Variants in ZNF804B observed in about 807,000 individuals in gnomAD.
The protein encoded by ZNF804B is zinc finger protein 804B, also known as zinc finger 804B.
ZNF804B carries 80 observed loss-of-function variants against 101.4 expected under a neutral mutation model. The observed-to-expected ratio is 0.79, with a 90% CI of 0.66 to 0.95. ZNF804B has a LOEUF of 0.95. ZNF804B is among the 40% of genes least tolerant of loss of function. The pLI, the probability that ZNF804B is intolerant of heterozygous loss-of-function variation, is 0.00. For synonymous variants in ZNF804B, 622 were observed against 558.8 expected (o/e 1.11, Z -1.59); for missense variants, 1,673 against 1,561.9 (o/e 1.07, Z -1.20).
chr7:89,083,161 TTGAC>T (rs1789722251), intron 1 of ZNF804B, among the ~76,000 whole-genome samples: 1 of 151,784 alleles, frequency 6.6e-6, no homozygotes, highest in African/African-American at 2.4e-5. Flanking sequence ...AAACTATGTT[TTGAC>T]TGCCACAAAA....
intron 2 of ZNF804B, among the ~76,000 whole-genome samples, chr7:89,293,300 T>C (rs745639504): frequency 1.3e-5 from 2 of 152,184 alleles, no homozygotes; most frequent in Non-Finnish European, 2.9e-5. Flanking sequence ...TTTGAGGTGA[T>C]GGATACGTTA....
intron 1 of ZNF804B, among the ~76,000 whole-genome samples, chr7:88,927,062 T>G (rs1032967825): frequency 3.3e-5 from 5 of 152,072 alleles, no homozygotes; most frequent in South Asian, 2.1e-4. Flanking sequence ...CTTCATGGTG[T>G]TGTTGGAAAT....
chr7:89,242,226 A>G (rs895994485), intron 2 of ZNF804B, among the ~76,000 whole-genome samples: 3 of 151,958 alleles, frequency 2.0e-5, no homozygotes, highest in Non-Finnish European at 4.4e-5. Context: ...TGTTAGATGA[A>G]TGGATTAAAT....
chr7:89,111,318 A>G (rs932329166), intron 1 of ZNF804B, among the ~76,000 whole-genome samples: 1 of 152,250 alleles, frequency 6.6e-6, no homozygotes, highest in South Asian at 2.1e-4. Flanking sequence ...ACTGTCTTCC[A>G]AAGTGGCTGG....
chr7:89,054,056 G>A (rs1389116773), intron 1 of ZNF804B, among the ~76,000 whole-genome samples: 6 of 151,814 alleles, frequency 4.0e-5, no homozygotes, highest in African/African-American at 1.4e-4. Flanking sequence ...TTAAAATGTG[G>A]TTATTTGTCT....
intron 1 of ZNF804B, among the ~76,000 whole-genome samples, chr7:89,209,493 C>T (rs973039069): frequency 6.6e-6 from 1 of 152,198 alleles, no homozygotes; most frequent in African/African-American, 2.4e-5. Flanking sequence ...AAACAAGAAT[C>T]TGCAGTTCTG....
chr7:88,847,705 G>T (rs1299446612), intron 1 of ZNF804B, among the ~76,000 whole-genome samples: 1 of 152,134 alleles, frequency 6.6e-6, no homozygotes, highest in Non-Finnish European at 1.5e-5. Flanking sequence ...GAGTGCAGCA[G>T]TGGGGAAATA....
intron 1 of ZNF804B, among the ~76,000 whole-genome samples, chr7:89,104,111 G>T (rs752898998): frequency 5.3e-5 from 8 of 151,910 alleles, no homozygotes; most frequent in Non-Finnish European, 7.4e-5. Context: ...TCTTTTTGAT[G>T]TACTGTTGGA....
At chr7:88,760,217 T>G (rs775164194) in intron 1 of ZNF804B, 133 bp downstream of exon 1, 3 of 687,064 alleles carry the variant, frequency 4.4e-6, no homozygotes, top group Non-Finnish European at 7.6e-6. Flanking sequence ...TCCATAGGTA[T>G]GGAGATACAT....
intron 1 of ZNF804B, among the ~76,000 whole-genome samples, chr7:89,173,328 T>A (rs1791267524): frequency 6.6e-6 from 1 of 151,982 alleles, no homozygotes; most frequent in South Asian, 2.1e-4. Context: ...ATTTTAATAT[T>A]TGAGTAATTT....
chr7:88,962,916 T>C (rs1793408938), intron 1 of ZNF804B, among the ~76,000 whole-genome samples: 2 of 150,736 alleles, frequency 1.3e-5, no homozygotes, highest in Admixed American at 1.3e-4. Flanking sequence ...TTTTATAATG[T>C]ATTTTCATAA....
At chr7:89,283,517 G>T (rs1177204510) in intron 2 of ZNF804B, among the ~76,000 whole-genome samples, 1 of 152,146 alleles carries the variant, frequency 6.6e-6, no homozygotes, top group African/African-American at 2.4e-5. Flanking sequence ...GACACAGCAA[G>T]AACCTGTCTA....
intron 1 of ZNF804B, among the ~76,000 whole-genome samples, chr7:89,136,935 C>A (rs767875128): frequency 6.6e-6 from 1 of 151,988 alleles, no homozygotes; most frequent in Non-Finnish European, 1.5e-5. Context: ...CTTTGTGAGG[C>A]AGAGCTTCCC....
At chr7:88,847,370 T>A (rs1791390113) in intron 1 of ZNF804B, among the ~76,000 whole-genome samples, 1 of 152,060 alleles carries the variant, frequency 6.6e-6, no homozygotes, top group Non-Finnish European at 1.5e-5. Context: ...CTTCCTTGAA[T>A]AAGAGGATCC....
At chr7:89,245,301 A>G (rs1584079780) in intron 2 of ZNF804B, among the ~76,000 whole-genome samples, 1 of 152,204 alleles carries the variant, frequency 6.6e-6, no homozygotes, top group East Asian at 1.9e-4. Flanking sequence ...AAGAAACATC[A>G]ATGAATAATA....
intron 1 of ZNF804B, among the ~76,000 whole-genome samples, chr7:89,129,250 T>C (rs1025929542): frequency 6.6e-6 from 1 of 152,042 alleles, no homozygotes; most frequent in African/African-American, 2.4e-5. Flanking sequence ...ATTCAATACA[T>C]TAAAACATTT....
At chr7:88,922,569 T>G (rs1008474198) in intron 1 of ZNF804B, among the ~76,000 whole-genome samples, 1 of 151,862 alleles carries the variant, frequency 6.6e-6, no homozygotes, top group Non-Finnish European at 1.5e-5. Flanking sequence ...TTATACAAAA[T>G]GGGACTTATT....
chr7:89,036,404 A>G (rs141380779), intron 1 of ZNF804B, among the ~76,000 whole-genome samples: 5 of 152,032 alleles, frequency 3.3e-5, no homozygotes, highest in African/African-American at 1.2e-4. Flanking sequence ...TGTTATTAAT[A>G]TTAGTATTAT....
chr7:88,805,974 T>C (rs1257872451), intron 1 of ZNF804B, among the ~76,000 whole-genome samples: 2 of 152,094 alleles, frequency 1.3e-5, no homozygotes, highest in Non-Finnish European at 2.9e-5. Flanking sequence ...TTTTTTTTTT[T>C]TTTCCTAACT....
Sources: gnomAD v4.1 joint callset for allele counts (sites outside exome capture counted in the v4.1 genomes callset) on GRCh38, gnomAD v4.1.1 for gene constraint, MANE v1.5 for transcripts, NCBI Gene and HGNC (gene_info 2026-07-23, HGNC 2026-07-21) for gene names.